AGAP1: variants seen among roughly 807,000 people sequenced by gnomAD.
AGAP1 encodes the protein arf-GAP with GTPase, ANK repeat and PH domain-containing protein 1.
A neutral mutation model predicts 105.3 loss-of-function variants in AGAP1; 29 were observed. The ratio of observed to expected loss-of-function variants is 0.28; its 90% CI spans 0.21 to 0.38. The LOEUF (loss-of-function observed/expected upper bound fraction) is 0.38. Among genes scored for constraint, AGAP1 ranks in the 10% least tolerant of loss-of-function variants. The pLI, the probability that AGAP1 is intolerant of heterozygous loss-of-function variation, is 1.00. For missense variants in AGAP1, 998 were observed against 1,165.1 expected, an observed-to-expected ratio of 0.86 and a Z score of 2.09; for synonymous variants, 509 against 485.9, an observed-to-expected ratio of 1.05 and a Z score of -0.63.
Position 235,741,902 on chromosome 2 carries a change from T to C in AGAP1, c.396+854T>C, listed in dbSNP as rs184031174. On this transcript the variant is annotated intron_variant, in intron 4 of 17. Coordinates refer to ENST00000304032, the MANE Select transcript of AGAP1 (RefSeq NM_001037131.3). The surrounding 1 kb of genome is among the most constrained non-coding windows in gnomAD (Gnocchi z 4.9). ...CTGAGTAGCTGGGACTACGGGCGCCTGCTACCACGCCTGGCTAATTTTTTG... is the reference window on the plus strand; with the variant it reads ...CTGAGTAGCTGGGACTACGGGCGCCCGCTACCACGCCTGGCTAATTTTTTG... Among the ~76,000 whole-genome samples, 1,229 of 151,976 alleles carry C rather than the reference T, an allele frequency of 8.1e-3. 21 individuals are homozygous for C. Among genetic ancestry groups the C allele is most frequent in the African/African-American group, 0.028 (1,152 of 41,466 alleles).
At chr2:236,116,754 A>C (rs1576343100) in intron 16 of AGAP1, among the ~76,000 whole-genome samples, 49 of 123,754 alleles carry the variant, frequency 4.0e-4, no homozygotes, top group East Asian at 1.0e-3. Flanking sequence ...CCCCCCTCCC[A>C]CTCTTCCCCC....
chr2:235,948,782 C>T (rs983300422), intron 12 of AGAP1, among the ~76,000 whole-genome samples: 1 of 152,054 alleles, frequency 6.6e-6, no homozygotes, highest in Admixed American at 6.6e-5. Flanking sequence ...ATGCTAGGAT[C>T]CTGGCCCCCA....
intron 12 of AGAP1, among the ~76,000 whole-genome samples, chr2:235,933,591 G>A (rs1348779364): frequency 6.8e-6 from 1 of 148,092 alleles, no homozygotes; most frequent in Non-Finnish European, 1.5e-5. Flanking sequence ...GGAGTGCAGT[G>A]GCGCGACCCC....
At chr2:235,852,902 A>G in intron 9 of AGAP1, 1 of 1,329,416 alleles carries the variant, frequency 7.5e-7, no homozygotes, top group South Asian at 2.2e-5. Flanking sequence ...GATAGCTTGC[A>G]GGCCGCTGCT....
chr2:235,646,286 AAG>A (rs1491107340), intron 1 of AGAP1, among the ~76,000 whole-genome samples: 1 of 151,746 alleles, frequency 6.6e-6, no homozygotes, highest in East Asian at 1.9e-4. Context: ...AAAAAAAAAA[AAG>A]GTTGTTTTGT....
intron 8 of AGAP1, among the ~76,000 whole-genome samples, chr2:235,802,979 T>TG (rs1957607548): frequency 2.7e-4 from 1 of 3,722 alleles, no homozygotes; most frequent in African/African-American, 7.7e-4. Context: ...TGGTTGTGGT[T>TG]GTGATGGTTG....
intron 1 of AGAP1, among the ~76,000 whole-genome samples, chr2:235,619,556 G>A (rs1046897243): frequency 3.3e-5 from 5 of 152,128 alleles, no homozygotes; most frequent in Admixed American, 6.5e-5. Context: ...AAGTGGGGGA[G>A]CTGGTCAATC....
In AGAP1 at chr2:236,062,968, T is replaced by C. The variant is rs1040684156; in HGVS notation, c.2114+13687T>C. 2.6e-5 allele frequency among the ~76,000 whole-genome samples: 4 copies of C among 152,050 alleles called. No homozygotes were observed. Among genetic ancestry groups the C allele is most frequent in the Non-Finnish European group, 4.4e-5 (3 of 67,996 alleles). On this transcript the variant is annotated intron_variant, in intron 16 of 17. Coordinates refer to ENST00000304032, the MANE Select transcript of AGAP1 (RefSeq NM_001037131.3). This position sits in a 1 kb window ranked among gnomAD's most constrained non-coding sequence, Gnocchi z 4.2. The stretch of plus-strand genomic sequence containing the variant: ...AGCCACCGTGCCTGGCCATCAGCTA[T>C]TTTTTTAAGAGATGGGGGTCTCACT...
At chr2:235,819,254 C>T (rs763470123) in intron 9 of AGAP1, among the ~76,000 whole-genome samples, 27 of 151,816 alleles carry the variant, frequency 1.8e-4, no homozygotes, top group Non-Finnish European at 5.9e-5. Context: ...GTTGGGACTA[C>T]AAGCACACAC....
In AGAP1 at chr2:235,582,908, G is replaced by A. The variant is rs1224082519; in HGVS notation, c.163+88059G>A. On this transcript the variant is annotated intron_variant, in intron 1 of 17. Coordinates refer to ENST00000304032, the MANE Select transcript of AGAP1 (RefSeq NM_001037131.3). The surrounding 1 kb of genome is among the most constrained non-coding windows in gnomAD (Gnocchi z 4.7). ...TGAGCCTTTGATGGAGTGTGTTCCG[G>A]AATCGGGAGGAAGCTTGTAAGGCTG... is the stretch of plus-strand genomic sequence containing the variant. Among the ~76,000 whole-genome samples, 1 of 152,232 alleles carries A rather than the reference G, an allele frequency of 6.6e-6. No homozygotes were observed. The highest frequency in any genetic ancestry group is 1.5e-5 in the Non-Finnish European group (1 of 68,048).
intron 13 of AGAP1, among the ~76,000 whole-genome samples, chr2:236,018,589 C>T (rs192742663): frequency 6.6e-6 from 1 of 152,336 alleles, no homozygotes; most frequent in East Asian, 1.9e-4. Flanking sequence ...AAGAAAAGTA[C>T]TTCCAGTACC....
intron 16 of AGAP1, among the ~76,000 whole-genome samples, chr2:236,099,382 G>A (rs780612008): frequency 6.6e-6 from 1 of 150,846 alleles, no homozygotes; most frequent in Non-Finnish European, 1.5e-5. Flanking sequence ...ATGAACCCAG[G>A]AGGAGGAGGT....
At chr2:235,966,368 C>T (rs964937190) in intron 12 of AGAP1, among the ~76,000 whole-genome samples, 2 of 151,522 alleles carry the variant, frequency 1.3e-5, no homozygotes, top group Non-Finnish European at 2.9e-5. Context: ...GAGGAGAGGG[C>T]GAGAAGGCCA....
chr2:236,033,688 C>T (rs569542599), intron 13 of AGAP1, among the ~76,000 whole-genome samples: 21 of 152,338 alleles, frequency 1.4e-4, no homozygotes, highest in African/African-American at 5.0e-4. Flanking sequence ...CCACCCAGCC[C>T]AGTGCCTAGC....
intron 9 of AGAP1, among the ~76,000 whole-genome samples, chr2:235,826,959 C>A (rs1042496147): frequency 3.9e-5 from 6 of 152,136 alleles, no homozygotes; most frequent in Admixed American, 6.5e-5. Flanking sequence ...AAAGTACCTG[C>A]ACTTTTCAGA....
At chr2:236,074,897 A>G (rs1190650248) in intron 16 of AGAP1, among the ~76,000 whole-genome samples, 2 of 152,150 alleles carry the variant, frequency 1.3e-5, no homozygotes, top group Non-Finnish European at 2.9e-5. Flanking sequence ...TCTACAAAAA[A>G]TACAGAAATT....
In AGAP1 at chr2:236,003,463, A is replaced by T. The variant is rs1337440916; in HGVS notation, c.1646-33098A>T. Among the ~76,000 whole-genome samples the T allele has an allele frequency of 6.6e-6, 1 of 152,208 alleles. No individual in the cohort carries two copies. Among genetic ancestry groups the T allele is most frequent in the African/African-American group, 2.4e-5 (1 of 41,456 alleles). On this transcript the variant is annotated intron_variant, in intron 13 of 17. Coordinates refer to ENST00000304032, the MANE Select transcript of AGAP1 (RefSeq NM_001037131.3). The surrounding 1 kb of genome is among the most constrained non-coding windows in gnomAD (Gnocchi z 4.2). ...TTTACCCACCTCTGTGTGTGGTCGC[A>T]CGTCCTCCTCATGGCCACGCTGGGA...
intron 13 of AGAP1, among the ~76,000 whole-genome samples, chr2:236,034,376 C>T (rs1202578772): frequency 4.6e-5 from 7 of 151,980 alleles, no homozygotes; most frequent in South Asian, 2.1e-4. Context: ...CCTGCAGACA[C>T]CCTGACCCCC....
Position 236,045,957 on chromosome 2 carries a change from G to A in AGAP1, c.1892-3102G>A, listed in dbSNP as rs558068635. 2.1e-5 allele frequency: 10 copies of A among 471,680 alleles called. No homozygotes were observed. The highest frequency in any genetic ancestry group is 3.1e-5 in the Non-Finnish European group (7 of 227,144). 29.2% of individuals were successfully genotyped at this position (471,680 alleles called of 1,614,324 possible). A position where few individuals can be genotyped will look rare whatever the true frequency, so the allele number is the denominator to read the frequency against. On this transcript the variant is annotated intron_variant, in intron 15 of 17. Transcript: ENST00000304032. This position sits in a 1 kb window ranked among gnomAD's most constrained non-coding sequence, Gnocchi z 6.9. ...TGGGTTTCAGAGAATTCGGAGTCCG[G>A]CACAGGAATGTGTCCCACGCATGAA... is the stretch of plus-strand genomic sequence containing the variant.
Sources: gnomAD v4.1 joint callset for allele counts (sites outside exome capture counted in the v4.1 genomes callset) on GRCh38, gnomAD v4.1.1 for gene constraint, Gnocchi (gnomAD v3.1) non-coding constraint, MANE v1.5 for transcripts, NCBI Gene and HGNC (gene_info 2026-07-23, HGNC 2026-07-21) for gene names.